Variants in IRX6 observed in about 807,000 individuals in gnomAD.
IRX6 encodes the protein iroquois homeobox 6.
Under a neutral mutation model 47.7 loss-of-function variants are expected in IRX6, and 46 were observed. The observed-to-expected ratio is 0.96, with a 90% CI of 0.76 to 1.23. The LOEUF (loss-of-function observed/expected upper bound fraction) is 1.23. IRX6 is among the 50% of genes most tolerant of loss of function. The pLI is 0.00. For missense variants in IRX6, 722 were observed against 588.0 expected (o/e 1.23, Z -2.36); for synonymous variants, 265 against 246.2 (o/e 1.08, Z -0.72).
intron 4 of IRX6, among the ~76,000 whole-genome samples, chr16:55,328,297 A>G (rs1202926038): frequency 6.6e-6 from 1 of 152,170 alleles, no homozygotes; most frequent in African/African-American, 2.4e-5. Context: ...TAATACCTAA[A>G]TGATGGCTGG....
rs111473464 is a variant in IRX6, at chr16:55,328,034, T to A, written c.721+141T>A. ...GCACTTCCCTGCCTGTCTCAGAGCA[T>A]TAGCCTGTGCACTGCCTTCTACCTG... On this transcript the variant is annotated intron_variant, in intron 4 of 5. Coordinates refer to ENST00000290552, the MANE Select transcript of IRX6 (RefSeq NM_024335.3). 6.5e-3 allele frequency: 5,047 copies of A among 780,848 alleles called. 173 individuals are homozygous for A. In the African/African-American group the frequency reaches 0.07, roughly 11 times the overall value. 48.4% of individuals were successfully genotyped at this position (780,848 alleles called of 1,614,324 possible).
chr16:55,325,210 G>A, intron 1 of IRX6, 74 bp downstream of exon 1: 1 of 1,466,260 alleles, frequency 6.8e-7, no homozygotes, highest in African/African-American at 1.4e-5. Context: ...GCCTGCCTCT[G>A]ATCATCCTCC....
chr16:55,330,628 C>T lies in IRX6; in HGVS notation c.*323C>T, dbSNP rs189406928. ...TCAGCAAGGCTTCCTCTCCTGCTCA[C>T]CCCTGTCTCTCACCTCCACCAACCC... On this transcript the variant is annotated 3_prime_UTR_variant, in exon 6 of 6. Transcript: ENST00000290552. The T allele has an allele frequency of 5.4e-4, 250 of 459,224 alleles. No homozygotes were observed. The highest frequency in any genetic ancestry group is 1.1e-4 in the Non-Finnish European group (28 of 252,188). The allele number at this position is 459,224 out of a possible 1,614,324, so 28.4% of individuals were successfully genotyped here. A position where few individuals can be genotyped will look rare whatever the true frequency, so the allele number is the denominator to read the frequency against.
Position 55,327,652 on chromosome 16 carries a change from A to G in IRX6, c.480A>G (p.Thr160=). ...ACGCGACCCGGGAGACCACCAGTACACTCAAGGCCTGGCTCAACGAGCACC... is the reference window on the plus strand; with the variant it reads ...ACGCGACCCGGGAGACCACCAGTACGCTCAAGGCCTGGCTCAACGAGCACC... The part of the protein sequence containing the change: ...RKNATRETTS[T]LKAWLNEHRK... Residue 160 remains threonine, a synonymous_variant, in exon 4 of 6, where the codon ACA becomes ACG. Coordinates refer to ENST00000290552, the MANE Select transcript of IRX6 (RefSeq NM_024335.3). 1.2e-6 allele frequency: 2 copies of G among 1,612,330 alleles called. No individual in the cohort carries two copies. The highest frequency in any genetic ancestry group is 1.3e-5 in the African/African-American group (1 of 74,906).
At position 55,325,020 on chromosome 16, in the gene IRX6, T is replaced by C; in HGVS notation, c.-72T>C. The C allele has an allele frequency of 6.6e-7, 1 of 1,519,920 alleles. No individual in the cohort carries two copies. Among genetic ancestry groups the C allele is most frequent in the Non-Finnish European group, 9.1e-7 (1 of 1,095,288 alleles). 94.2% of individuals were successfully genotyped at this position (1,519,920 alleles called of 1,614,324 possible). ...GTAAGGAACTGAGACACCTCACTGCTGGGGGCGCGGAACAGCTGGGCTGAG... is the reference window on the plus strand; with the variant it reads ...GTAAGGAACTGAGACACCTCACTGCCGGGGGCGCGGAACAGCTGGGCTGAG... On this transcript the variant is annotated 5_prime_UTR_variant, in exon 1 of 6. Coordinates refer to ENST00000290552, the MANE Select transcript of IRX6 (RefSeq NM_024335.3).
At position 55,328,681 on chromosome 16, in the gene IRX6, C is replaced by A. The variant is rs369498775; in HGVS notation, c.722-19C>A. ...CTTGGGCCCTGGGGCTTTTCTCACTCGCTCTTGATTTCCTGCAGAAGTTAC... is the reference window on the plus strand; with the variant it reads ...CTTGGGCCCTGGGGCTTTTCTCACTAGCTCTTGATTTCCTGCAGAAGTTAC... On this transcript the variant is annotated intron_variant, in intron 4 of 5. Coordinates refer to ENST00000290552, the MANE Select transcript of IRX6 (RefSeq NM_024335.3). The A allele has an allele frequency of 6.2e-7, 1 of 1,609,642 alleles. No individual in the cohort carries two copies. Among genetic ancestry groups the A allele is most frequent in the South Asian group, 1.1e-5 (1 of 90,622 alleles).
chr16:55,327,236 A>G (rs959453042), intron 2 of IRX6, 60 bp from the exon 3 acceptor site: 7 of 1,219,542 alleles, frequency 5.7e-6, no homozygotes, highest in Non-Finnish European at 8.5e-6. Context: ...ACCCTTAGCT[A>G]CCACCCCATG....
rs1567338550 is a variant in IRX6 at position 55,325,537 on chromosome 16, GAGAGAGAGAGAGAGAGAGAGAGAGAA to G, written c.45+405_45+430del. Reference sequence around the variant, plus strand: ...AAGGAAGGAAGGAAGGAAGGAGAGAGAGAGAGAGAGAGAGAGAGAGAGAGAAAGAAAGAGAAAGAAAGAAAGAAGGA... The same window carrying G: ...AAGGAAGGAAGGAAGGAAGGAGAGAGAGAAAGAGAAAGAAAGAAAGAAGGA... On this transcript the variant is annotated intron_variant, in intron 1 of 5. Coordinates refer to ENST00000290552, the MANE Select transcript of IRX6 (RefSeq NM_024335.3). Among the ~76,000 whole-genome samples the G allele has an allele frequency of 4.8e-3, 45 of 9,376 alleles. 11 individuals carry two copies. Among genetic ancestry groups the G allele is most frequent in the African/African-American group, 0.026 (40 of 1,550 alleles). The allele number at this position is 9,376 out of a possible 152,430, so 6.2% of individuals were successfully genotyped here.
Position 55,329,302 on chromosome 16 carries a change from G to A in IRX6, c.1324G>A (p.Gly442Arg). 1 of 1,598,084 alleles carries A rather than the reference G, an allele frequency of 6.3e-7. No homozygotes were observed. The highest frequency in any genetic ancestry group is 2.2e-5 in the East Asian group (1 of 44,454). ...EPVVQCQYPSGAEAG is the reference protein window; with the variant it reads ...EPVVQCQYPSRAEAG Reference sequence around the variant, plus strand: ...TGTAGTGCAGTGCCAGTACCCGTCTGGAGCAGAAGGTAGTGGGCCCCCAGC... The same window carrying A: ...TGTAGTGCAGTGCCAGTACCCGTCTAGAGCAGAAGGTAGTGGGCCCCCAGC... Residue 442 changes from glycine to arginine, a missense_variant, in exon 5 of 6, where the codon GGA becomes AGA. Coordinates refer to ENST00000290552, the MANE Select transcript of IRX6 (RefSeq NM_024335.3).
chr16:55,328,021 C>G, intron 4 of IRX6, 128 bp downstream of exon 4: 1 of 859,708 alleles, frequency 1.2e-6, no homozygotes, highest in Non-Finnish European at 1.8e-6. Context: ...ACTTCCCTGC[C>G]TGTCTCAGAG....
Position 55,327,345 on chromosome 16 carries a change from T to G in IRX6, c.353T>G (p.Leu118Arg). Residue 118 changes from leucine (L) to arginine (R), a missense_variant, in exon 3 of 6, where the codon CTG becomes CGG. Transcript: ENST00000290552. ...GCTGCAGGGAGTTTTACATCCAGCC[T>G]GGCACAACCAGGAGCCTATTATCCC... is the stretch of plus-strand genomic sequence containing the variant. ...KEAAGSFTSSLAQPGAYYPYE... is the reference protein window; with the variant it reads ...KEAAGSFTSSRAQPGAYYPYE... 6.2e-7 allele frequency: 1 copy of G among 1,614,058 alleles called. No homozygotes were observed. Among genetic ancestry groups the G allele is most frequent in the Non-Finnish European group, 8.5e-7 (1 of 1,179,958 alleles).
intron 1 of IRX6, among the ~76,000 whole-genome samples, chr16:55,325,553 GAGAGAGAGAAAGAA>G (rs1567338590): frequency 0.017 from 284 of 16,442 alleles, 81 homozygotes; most frequent in East Asian, 0.068. Context: ...GAGAGAGAGA[GAGAGAGAGAAAGAA>G]AGAGAAAGAA....
At chr16:55,330,172 A>G (rs1960617425) in intron 5 of IRX6, 126 bp from the exon 6 acceptor site, 3 of 811,886 alleles carry the variant, frequency 3.7e-6, no homozygotes, top group Non-Finnish European at 4.3e-6. Context: ...TCCAAACATT[A>G]CCTCTGGCAA....
intron 4 of IRX6, 134 bp from the exon 5 acceptor site, chr16:55,328,566 G>C (rs574598519): frequency 1.1e-6 from 1 of 882,608 alleles, no homozygotes; most frequent in Non-Finnish European, 1.8e-6. Flanking sequence ...GGGGTGGTAC[G>C]GCAGGTCTGG....
chr16:55,327,085 C>T, intron 2 of IRX6: 1 of 565,232 alleles, frequency 1.8e-6, no homozygotes. Context: ...CCAGCATGGT[C>T]TTCTTCAATA....
intron 2 of IRX6, 68 bp from the exon 3 acceptor site, chr16:55,327,228 C>G: frequency 8.8e-7 from 1 of 1,139,546 alleles, no homozygotes; most frequent in Non-Finnish European, 1.3e-6. Context: ...TGAACCAGAC[C>G]CTTAGCTACC....
Position 55,330,372 on chromosome 16 carries a change from T to C in IRX6, c.*67T>C. ...CCACGTTTCGAATTCATCTCCAGGT[T>C]AAGAAGCTGCCAGACCTTGCCAGGG... is the stretch of plus-strand genomic sequence containing the variant. On this transcript the variant is annotated 3_prime_UTR_variant, in exon 6 of 6. Transcript: ENST00000290552. 1 of 1,528,472 alleles carries C rather than the reference T, an allele frequency of 6.5e-7. No individual in the cohort carries two copies. Among genetic ancestry groups the C allele is most frequent in the East Asian group, 2.2e-5 (1 of 44,460 alleles). The allele number at this position is 1,528,472 out of a possible 1,614,324, so 94.7% of individuals were successfully genotyped here. A position where few individuals can be genotyped will look rare whatever the true frequency, so the allele number is the denominator to read the frequency against.
rs1206155815 is a variant in IRX6, at chr16:55,329,329, G to A, written c.1333+18G>A. On this transcript the variant is annotated intron_variant, in intron 5 of 5. Transcript: ENST00000290552. The stretch of plus-strand genomic sequence containing the variant: ...AGCAGAAGGTAGTGGGCCCCCAGCG[G>A]CGCTGGGAGTATCTATGCAAAAGAC... 7 of 1,580,044 alleles carry A rather than the reference G, an allele frequency of 4.4e-6. No individual in the cohort carries two copies. The highest frequency in any genetic ancestry group is 6.0e-6 in the Non-Finnish European group (7 of 1,163,580).
Position 55,328,847 on chromosome 16 carries a change from A to C in IRX6, c.869A>C (p.Gln290Pro), listed in dbSNP as rs1434986136. 6.2e-7 allele frequency: 1 copy of C among 1,612,770 alleles called. No individual in the cohort carries two copies. The highest frequency in any genetic ancestry group is 8.5e-7 in the Non-Finnish European group (1 of 1,179,944). Residue 290 changes from glutamine to proline, a missense_variant, in exon 5 of 6, where the codon CAG (glutamine) becomes CCG (proline). Coordinates refer to ENST00000290552, the MANE Select transcript of IRX6 (RefSeq NM_024335.3). The stretch of plus-strand genomic sequence containing the variant: ...CTGACGGAGTTCCGAAAGGGCGCGC[A>C]GTCACTGCCTGGGCCGTGCGCTGCA... ...DRLTEFRKGA[Q>P]SLPGPCAAAR...
Sources: gnomAD v4.1 joint callset for allele counts (sites outside exome capture counted in the v4.1 genomes callset) on GRCh38, gnomAD v4.1.1 for gene constraint, MANE v1.5 for transcripts, NCBI Gene and HGNC (gene_info 2026-07-23, HGNC 2026-07-21) for gene names.